ASTN1: variants seen among roughly 807,000 people sequenced by gnomAD.
ASTN1 encodes the protein astrotactin 1, also known as astrotactin-1.
ASTN1 carries 41 observed loss-of-function variants against 140.7 expected under a neutral mutation model. The observed-to-expected ratio is 0.29, with a 90% CI of 0.23 to 0.38. ASTN1 has a LOEUF of 0.38. Ranked by LOEUF, ASTN1 falls within the 10% of genes least tolerant of loss-of-function variation. The probability of loss-of-function intolerance (pLI) is 1.00; values close to 1 mark genes in which losing one functional copy is unlikely to be tolerated. For synonymous variants in ASTN1, 640 were observed against 652.2 expected, an observed-to-expected ratio of 0.98 and a Z score of 0.29; for missense variants, 1,479 against 1,678.8, an observed-to-expected ratio of 0.88 and a Z score of 2.08.
intron 9 of ASTN1, among the ~76,000 whole-genome samples, chr1:176,962,813 T>C (rs1672723408): frequency 6.6e-6 from 1 of 152,218 alleles, no homozygotes; most frequent in Admixed American, 6.5e-5. Flanking sequence ...CATTGGGGAC[T>C]CTCATAGACA....
chr1:177,076,774 C>T (rs1320399793), intron 1 of ASTN1, among the ~76,000 whole-genome samples: 1 of 152,072 alleles, frequency 6.6e-6, no homozygotes, highest in African/African-American at 2.4e-5. Context: ...CTGCCTGTCT[C>T]GGCCTCCCAA....
intron 5 of ASTN1, among the ~76,000 whole-genome samples, chr1:177,028,682 T>C (rs910738425): frequency 6.6e-6 from 1 of 152,234 alleles, no homozygotes; most frequent in Non-Finnish European, 1.5e-5. Flanking sequence ...GATGGGGCAC[T>C]GTATAAATAT....
intron 20 of ASTN1, among the ~76,000 whole-genome samples, chr1:176,879,976 C>T (rs910704528): frequency 1.3e-5 from 2 of 152,176 alleles, no homozygotes; most frequent in African/African-American, 4.8e-5. Context: ...AGAAAGGCCT[C>T]GGCTTACCGT....
At chr1:177,111,999 C>T (rs11581173) in intron 1 of ASTN1, among the ~76,000 whole-genome samples, 7,970 of 152,196 alleles carry the variant, frequency 0.052, 238 homozygotes, top group Admixed American at 0.065. Flanking sequence ...CCGGGTTCTG[C>T]TTTCCATTTC....
At position 176,868,835 on chromosome 1, in the gene ASTN1, A is replaced by G. The variant is rs1668227266; in HGVS notation, c.3647+9T>C. ...GTCTTTAAAAGGGTTGACTTAGTTT[A>G]TTGATTACCTGGGACCTAACTCATC... On this transcript the variant is annotated intron_variant, in intron 22 of 22. Transcript: ENST00000361833. The G allele has an allele frequency of 1.3e-6, 2 of 1,590,774 alleles. No homozygotes were observed. Among genetic ancestry groups the G allele is most frequent in the Non-Finnish European group, 8.6e-7 (1 of 1,166,762 alleles).
rs776171100 is a variant in ASTN1 at position 176,936,368 on chromosome 1, T to C, written c.2380A>G (p.Met794Val). The C allele has an allele frequency of 1.9e-6, 3 of 1,611,164 alleles. No homozygotes were observed. The highest frequency in any genetic ancestry group is 2.7e-5 in the African/African-American group (2 of 74,828). Residue 794 changes from methionine to valine, a missense_variant and splice_region_variant, in exon 15 of 23, where the codon ATG becomes GTG. Physicochemically the swap from Met to Val is conservative, Grantham distance 21. Coordinates refer to ENST00000361833, the MANE Select transcript of ASTN1 (RefSeq NM_004319.3). Reference sequence around the variant, plus strand: ...CCAGACACTTCACTGAAGTTCACCATCCCTAAGGACAGAAGAGATGTAAGC... The same window carrying C: ...CCAGACACTTCACTGAAGTTCACCACCCCTAAGGACAGAAGAGATGTAAGC... ...PTPDPDFLTG[M>V]VNFSEVSGYP... is the part of the protein sequence containing the mutation.
At chr1:177,067,481 T>C (rs1678421957) in intron 1 of ASTN1, among the ~76,000 whole-genome samples, 2 of 152,288 alleles carry the variant, frequency 1.3e-5, no homozygotes, top group South Asian at 4.2e-4. Context: ...CCCCCTCTTC[T>C]GTTCTTTTTT....
intron 1 of ASTN1, among the ~76,000 whole-genome samples, chr1:177,153,985 A>T (rs951969606): frequency 6.6e-6 from 1 of 152,188 alleles, no homozygotes; most frequent in Non-Finnish European, 1.5e-5. Flanking sequence ...TACTGATGAG[A>T]GTACAAACTG....
intron 1 of ASTN1, among the ~76,000 whole-genome samples, chr1:177,075,645 C>CTTTTTTTTT (rs5778927): frequency 7.8e-4 from 78 of 99,462 alleles, no homozygotes; most frequent in East Asian, 1.9e-3. Context: ...CTTTTCTTTT[C>CTTTTTTTTT]TTTTTTTTTT....
At chr1:176,972,135 A>G (rs1673163851) in intron 8 of ASTN1, among the ~76,000 whole-genome samples, 1 of 152,232 alleles carries the variant, frequency 6.6e-6, no homozygotes, top group Non-Finnish European at 1.5e-5. Context: ...TAAACATAGA[A>G]AAGGTACAGT....
intron 8 of ASTN1, among the ~76,000 whole-genome samples, chr1:176,990,704 G>C (rs889977114): frequency 6.6e-6 from 1 of 151,990 alleles, no homozygotes; most frequent in East Asian, 1.9e-4. Context: ...AGAGACTGGC[G>C]TAGTCTCCCC....
rs1668040990 is a variant in ASTN1 at position 176,863,785 on chromosome 1, C to T, written c.*499G>A. 8 of 988,798 alleles carry T rather than the reference C, an allele frequency of 8.1e-6. No homozygotes were observed. In the South Asian group the frequency reaches 3.2e-4, roughly 40 times the overall value. The allele number at this position is 988,798 out of a possible 1,614,324, so 61.3% of individuals were successfully genotyped here. Reference sequence around the variant, plus strand: ...TTCCTCAATTTTCTATTGTCTCTCTCTGTGAGCAGGGCCAAGGCTCCCAGA... The same window carrying T: ...TTCCTCAATTTTCTATTGTCTCTCTTTGTGAGCAGGGCCAAGGCTCCCAGA... On this transcript the variant is annotated 3_prime_UTR_variant, in exon 23 of 23. Coordinates refer to ENST00000361833, the MANE Select transcript of ASTN1 (RefSeq NM_004319.3).
chr1:176,930,848 G>A (rs535425282), intron 16 of ASTN1, among the ~76,000 whole-genome samples: 5 of 152,246 alleles, frequency 3.3e-5, no homozygotes, highest in South Asian at 2.1e-4. Flanking sequence ...ACATTGAAAA[G>A]GTACAGCGGT....
intron 20 of ASTN1, 74 bp from the exon 21 acceptor site, chr1:176,876,711 T>TGGC: frequency 6.9e-7 from 1 of 1,452,420 alleles, no homozygotes; most frequent in Non-Finnish European, 9.5e-7. Context: ...CCCTAGCTCA[T>TGGC]GGCCCAGCTC....
chr1:176,914,223 C>G (rs539335563), intron 16 of ASTN1, among the ~76,000 whole-genome samples: 2 of 152,304 alleles, frequency 1.3e-5, no homozygotes, highest in South Asian at 4.1e-4. Flanking sequence ...TCAGATCTGT[C>G]TGACTCCAGG....
intron 1 of ASTN1, among the ~76,000 whole-genome samples, chr1:177,084,512 T>C (rs146828191): frequency 5.0e-4 from 76 of 152,348 alleles, no homozygotes; most frequent in African/African-American, 1.4e-3. Flanking sequence ...AGGTGAACTC[T>C]GTTAACTTCC....
At chr1:177,116,937 C>T (rs1375623781) in intron 1 of ASTN1, among the ~76,000 whole-genome samples, 2 of 152,140 alleles carry the variant, frequency 1.3e-5, no homozygotes, top group East Asian at 1.9e-4. Context: ...GCTTCCACTC[C>T]CTTACACTGC....
chr1:176,979,336 A>G (rs1357521184), intron 8 of ASTN1, among the ~76,000 whole-genome samples: 1 of 152,134 alleles, frequency 6.6e-6, no homozygotes, highest in Non-Finnish European at 1.5e-5. Flanking sequence ...AGTCCCTAGA[A>G]GGGGCCTGGC....
In ASTN1 at chr1:176,861,396, A is replaced by G. The variant is rs538231737; in HGVS notation, c.*2888T>C. The G allele has an allele frequency of 7.6e-5, 75 of 985,840 alleles. No homozygotes were observed. In the African/African-American group the frequency reaches 1.2e-3, roughly 16 times the overall value. 61.1% of individuals were successfully genotyped at this position (985,840 alleles called of 1,614,324 possible). The stretch of plus-strand genomic sequence containing the variant: ...GTCTTGGGGACATGGGAGCTGGGAG[A>G]GTGTTGGTGGGATATAAGCACCTCC... On this transcript the variant is annotated 3_prime_UTR_variant, in exon 23 of 23. Coordinates refer to ENST00000361833, the MANE Select transcript of ASTN1 (RefSeq NM_004319.3).
Sources: gnomAD v4.1 joint callset for allele counts (sites outside exome capture counted in the v4.1 genomes callset) on GRCh38, gnomAD v4.1.1 for gene constraint, MANE v1.5 for transcripts, NCBI Gene and HGNC (gene_info 2026-07-23, HGNC 2026-07-21) for gene names.